PLXNA1: variants seen among roughly 807,000 people sequenced by gnomAD.
PLXNA1 encodes plexin A1.
Under a neutral mutation model 191.7 loss-of-function variants are expected in PLXNA1, and 77 were observed. The ratio of observed to expected loss-of-function variants is 0.40; its 90% CI spans 0.33 to 0.49. PLXNA1 has a LOEUF of 0.49. Among genes scored for constraint, PLXNA1 ranks in the 20% least tolerant of loss-of-function variants. The pLI is 0.63. For missense variants in PLXNA1, 2,110 were observed against 2,660.2 expected (o/e 0.79, Z 4.55); for synonymous variants, 1,137 against 1,156.4 (o/e 0.98, Z 0.34).
rs773254680 is a variant in PLXNA1 at position 127,016,668 on chromosome 3, G to A, written c.3166G>A (p.Glu1056Lys). The change falls in exon 16 of 32, where the codon GAG becomes AAG. Residue 1056 changes from glutamate to lysine, a missense_variant. By Grantham distance (56) the Glu-to-Lys change is moderately conservative. Coordinates refer to ENST00000393409, the MANE Select transcript of PLXNA1 (RefSeq NM_032242.4). ...CCCCACCATCCTGAGGATCGACCCCGAGTGGAGCATCAACAGGTGGGGCCC... is the reference window on the plus strand; with the variant it reads ...CCCCACCATCCTGAGGATCGACCCCAAGTGGAGCATCAACAGGTGGGGCCC... The part of the protein sequence containing the change: ...EDPTILRIDP[E>K]WSINSGGTLL... 9.3e-6 allele frequency: 15 copies of A among 1,613,978 alleles called. No homozygotes were observed. Among genetic ancestry groups the A allele is most frequent in the Non-Finnish European group, 1.1e-5 (13 of 1,179,954 alleles).
Position 127,028,026 on chromosome 3 carries a change from G to A in PLXNA1, c.4449G>A (p.Glu1483=). Residue 1483 remains glutamate, a synonymous_variant, in exon 24 of 32, where the codon GAG becomes GAA. Transcript: ENST00000393409. ...EKGPIDAITG[E]ARYSLSEDKL... is the part of the protein sequence containing the mutation. ...GCCCCATTGACGCCATCACGGGTGA[G>A]GCACGCTACTCCCTGAGTGAGGACA... 6.2e-7 allele frequency: 1 copy of A among 1,614,060 alleles called. No individual in the cohort carries two copies. The highest frequency in any genetic ancestry group is 2.2e-5 in the East Asian group (1 of 44,862).
intron 2 of PLXNA1, among the ~76,000 whole-genome samples, chr3:126,990,082 A>T (rs1482955008): frequency 6.6e-6 from 1 of 152,224 alleles, no homozygotes; most frequent in Admixed American, 6.5e-5. Context: ...GACACTGGAC[A>T]GAGTGCCAGC....
In PLXNA1 at chr3:127,014,692, G is replaced by A. The variant is rs1559961434; in HGVS notation, c.2757-19G>A. ...ACGGGGCGGGGCTCCTGCAGCCCCT[G>A]AGGCCCGCCTGCCCACAGGATCGTC... On this transcript the variant is annotated intron_variant, in intron 13 of 31. Transcript: ENST00000393409. 1.9e-6 allele frequency: 3 copies of A among 1,610,992 alleles called. No homozygotes were observed. Among genetic ancestry groups the A allele is most frequent in the Non-Finnish European group, 1.7e-6 (2 of 1,179,460 alleles).
chr3:127,011,284 G>A (rs1395762641), intron 9 of PLXNA1, among the ~76,000 whole-genome samples: 1 of 152,210 alleles, frequency 6.6e-6, no homozygotes, highest in Non-Finnish European at 1.5e-5. Flanking sequence ...ATCTTGCCCA[G>A]CTGGGCCTTG....
intron 8 of PLXNA1, among the ~76,000 whole-genome samples, chr3:127,007,536 G>A (rs995341133): frequency 1.3e-5 from 2 of 152,190 alleles, no homozygotes; most frequent in South Asian, 2.1e-4. Context: ...CGGCAAAGAG[G>A]ATAGGGAGCC....
intron 23 of PLXNA1, among the ~76,000 whole-genome samples, chr3:127,023,759 A>G (rs1211196800): frequency 1.3e-5 from 2 of 152,062 alleles, no homozygotes; most frequent in Non-Finnish European, 1.5e-5. Flanking sequence ...CTGCCGGGAG[A>G]GACACTGGAC....
In PLXNA1 at chr3:126,989,410, G is replaced by C. The variant is rs773111448; in HGVS notation, c.817G>C (p.Ala273Pro). Residue 273 changes from alanine to proline, a missense_variant, in exon 2 of 32, where the codon GCC (alanine) becomes CCC (proline). Ala to Pro is a conservative substitution (Grantham distance 27, BLOSUM62 -1). Transcript: ENST00000393409. ...CACACAGCTGACCTCGCCTGATGCC[G>C]CCGGCGAGCACTTCTTCACGTCCAA... Reference protein sequence around the residue: ...LDTQLTSPDAAGEHFFTSKIV... With the variant: ...LDTQLTSPDAPGEHFFTSKIV... 3 of 1,613,432 alleles carry C rather than the reference G, an allele frequency of 1.9e-6. No homozygotes were observed. The highest frequency in any genetic ancestry group is 2.5e-6 in the Non-Finnish European group (3 of 1,180,032).
At chr3:127,023,456 G>T (rs1035065595) in intron 23 of PLXNA1, among the ~76,000 whole-genome samples, 2 of 152,252 alleles carry the variant, frequency 1.3e-5, no homozygotes, top group African/African-American at 2.4e-5. Flanking sequence ...CTCCTGAGAG[G>T]TGGGAGGAGC....
chr3:126,991,199 G>A (rs959543241), intron 2 of PLXNA1, among the ~76,000 whole-genome samples, 185 bp from the exon 3 acceptor site: 4 of 152,312 alleles, frequency 2.6e-5, no homozygotes, highest in East Asian at 1.9e-4. Context: ...CTGGGAGCCC[G>A]CCCTCTGCCT....
chr3:126,985,846 G>A (rs2078955930), intron 1 of PLXNA1, among the ~76,000 whole-genome samples: 1 of 152,364 alleles, frequency 6.6e-6, no homozygotes, highest in South Asian at 2.1e-4. Context: ...TAAGGTGGAA[G>A]AAGTGGCCCA....
intron 9 of PLXNA1, among the ~76,000 whole-genome samples, chr3:127,008,500 C>T (rs573533733): frequency 4.6e-5 from 7 of 152,304 alleles, no homozygotes; most frequent in East Asian, 1.9e-4. Flanking sequence ...GAACATGAGG[C>T]GCTTAGTAGC....
chr3:127,018,582 G>C (rs2079137560), intron 20 of PLXNA1, 54 bp downstream of exon 20: 1 of 1,427,916 alleles, frequency 7.0e-7, no homozygotes, highest in Non-Finnish European at 9.7e-7. Context: ...GCCAGGCCCT[G>C]GCCTGTCCCC....
In PLXNA1 at chr3:126,988,927, GACA is replaced by G; in HGVS notation, c.337_339del (p.Asn113del). On this transcript the variant is annotated inframe_deletion, in exon 2 of 32. Coordinates refer to ENST00000393409, the MANE Select transcript of PLXNA1 (RefSeq NM_032242.4). ...CTGCCCCCACGGCCTGGGCAGTACT[GACA>G]ACGTCAACAAGCTGCTGCTGCTGGA... 1 of 1,613,232 alleles carries G rather than the reference GACA, an allele frequency of 6.2e-7. No individual in the cohort carries two copies. Among genetic ancestry groups the G allele is most frequent in the Non-Finnish European group, 8.5e-7 (1 of 1,180,008 alleles).
rs2079108434 is a variant in PLXNA1, at chr3:127,014,023, T to A, written c.2317T>A (p.Ser773Thr). The part of the protein sequence containing the change: ...SSLQCQNSSY[S>T]YEGNDVSDLP... ...TGACGGTGCCATCACCTAACAGTAC[T>A]CCTACGAGGGGAACGATGTCAGCGA... The change falls in exon 11 of 32, where the codon TCC becomes ACC. Residue 773 changes from serine to threonine, a missense_variant. By Grantham distance (58) the Ser-to-Thr change is moderately conservative. Coordinates refer to ENST00000393409, the MANE Select transcript of PLXNA1 (RefSeq NM_032242.4). The A allele has an allele frequency of 1.2e-6, 2 of 1,613,482 alleles. No individual in the cohort carries two copies. Among genetic ancestry groups the A allele is most frequent in the Admixed American group, 1.7e-5 (1 of 59,988 alleles).
At chr3:127,005,336 C>G in intron 7 of PLXNA1, 93 bp downstream of exon 7, 1 of 1,418,952 alleles carries the variant, frequency 7.0e-7, no homozygotes, top group Non-Finnish European at 9.4e-7. Context: ...TTGTTCAGTT[C>G]CAAGGGCATG....
intron 5 of PLXNA1, 48 bp from the exon 6 acceptor site, chr3:127,004,837 G>T (rs2079057801): frequency 6.4e-7 from 1 of 1,566,382 alleles, no homozygotes. Context: ...TGGCAGGCGG[G>T]CCCCGTAGGT....
intron 1 of PLXNA1, among the ~76,000 whole-genome samples, chr3:126,987,776 G>A (rs2078966923): frequency 6.6e-6 from 1 of 152,104 alleles, no homozygotes; most frequent in Non-Finnish European, 1.5e-5. Flanking sequence ...CGTGTGGCGG[G>A]GCACCCGTCG....
intron 5 of PLXNA1, 38 bp downstream of exon 5, chr3:127,004,749 G>A (rs1427094957): frequency 6.3e-7 from 1 of 1,581,996 alleles, no homozygotes; most frequent in East Asian, 2.3e-5. Context: ...GGCGGGGAGG[G>A]CCATGGTGGT....
rs2079108869 is a variant in PLXNA1, at chr3:127,014,091, C to T, written c.2385C>T (p.Val795=). Reference sequence around the variant, plus strand: ...CAGTCGTGTGGAACGGCAACTTTGTCATTGACAACCCACAGAACATCCAGG... The same window carrying T: ...CAGTCGTGTGGAACGGCAACTTTGTTATTGACAACCCACAGAACATCCAGG... ...NLSVVWNGNF[V]IDNPQNIQAH... Residue 795 remains valine (V), a synonymous_variant, in exon 11 of 32, where the codon GTC becomes GTT. Transcript: ENST00000393409. 4 of 1,613,810 alleles carry T rather than the reference C, an allele frequency of 2.5e-6. No individual in the cohort carries two copies. Among genetic ancestry groups the T allele is most frequent in the Non-Finnish European group, 8.5e-7 (1 of 1,179,952 alleles).
Sources: allele counts gnomAD v4.1 joint callset (sites outside exome capture counted in the v4.1 genomes callset), GRCh38; gene constraint gnomAD v4.1.1; transcripts MANE v1.5; gene names NCBI Gene and HGNC (gene_info 2026-07-23, HGNC 2026-07-21).